The following BANK1 variants were observed in gnomAD, a reference collection of about 807,000 sequenced individuals.
BANK1 encodes the protein B-cell scaffold protein with ankyrin repeats.
Under a neutral mutation model 94.5 loss-of-function variants are expected in BANK1, and 95 were observed. The ratio of observed to expected loss-of-function variants is 1.00; its 90% CI spans 0.85 to 1.19. The LOEUF (loss-of-function observed/expected upper bound fraction) is 1.19, where lower values mean the gene tolerates loss of function less well. Among genes scored for constraint, BANK1 ranks in the 50% most tolerant of loss-of-function variants. The probability of loss-of-function intolerance (pLI) is 0.00; values close to 1 mark genes in which losing one functional copy is unlikely to be tolerated. For synonymous variants in BANK1, 334 were observed against 308.4 expected (o/e 1.08, Z -0.87); for missense variants, 987 against 932.2 (o/e 1.06, Z -0.77).
Position 101,805,226 on chromosome 4 carries a change from AATT to A in BANK1, c.70+14280_70+14282del, listed in dbSNP as rs143361021. 6.5e-4 allele frequency among the ~76,000 whole-genome samples: 99 copies of A among 152,328 alleles called. 1 individual carries two copies. The East Asian group carries it at 0.018, about 27-fold the overall frequency. On this transcript the variant is annotated intron_variant, in intron 1 of 16. Coordinates refer to ENST00000322953, the MANE Select transcript of BANK1 (RefSeq NM_017935.5). ...TGGGCTGTTAAGAGTCATCTAAGCA[AATT>A]ATTGTTGAAATATTTTTCTATCTAA... is the stretch of plus-strand genomic sequence containing the variant.
At chr4:101,886,699 C>T (rs1163031069) in intron 5 of BANK1, among the ~76,000 whole-genome samples, 1 of 148,124 alleles carries the variant, frequency 6.8e-6, no homozygotes, top group East Asian at 2.0e-4. Flanking sequence ...ATTAATGAGT[C>T]TGTTCAAGTT....
intron 7 of BANK1, among the ~76,000 whole-genome samples, chr4:101,938,031 T>C (rs977024248): frequency 6.6e-6 from 1 of 151,590 alleles, no homozygotes. Context: ...TAAGTGATAG[T>C]TGAACAATGA....
intron 7 of BANK1, among the ~76,000 whole-genome samples, chr4:101,962,048 C>T (rs750721232): frequency 6.6e-6 from 1 of 152,128 alleles, no homozygotes; most frequent in Non-Finnish European, 1.5e-5. Flanking sequence ...GGTTACAAAG[C>T]AAGTTGGAGA....
intron 7 of BANK1, among the ~76,000 whole-genome samples, chr4:102,019,810 T>G (rs1726830042): frequency 1.3e-5 from 2 of 152,316 alleles, no homozygotes; most frequent in South Asian, 4.1e-4. Flanking sequence ...GAGCATTTTA[T>G]TCTGGAGAAA....
chr4:101,973,412 G>A (rs1191896186), intron 7 of BANK1, among the ~76,000 whole-genome samples: 1 of 151,966 alleles, frequency 6.6e-6, no homozygotes, highest in East Asian at 1.9e-4. Flanking sequence ...TATTAAGTAA[G>A]TTGCTCAAAG....
intron 11 of BANK1, among the ~76,000 whole-genome samples, chr4:102,054,946 GCTTTTTTTCAATTTAA>G (rs1728179008): frequency 6.6e-6 from 1 of 151,922 alleles, no homozygotes; most frequent in Admixed American, 6.6e-5. Flanking sequence ...TCTTGCACCT[GCTTTTTTTCAATTTAA>G]ATAGTTGATG....
intron 8 of BANK1, among the ~76,000 whole-genome samples, chr4:102,024,281 C>G (rs528493590): frequency 1.3e-5 from 2 of 152,160 alleles, no homozygotes; most frequent in South Asian, 2.1e-4. Flanking sequence ...ACAAGGAAAA[C>G]AATTCACATA....
At chr4:101,921,178 GATA>G in intron 7 of BANK1, among the ~76,000 whole-genome samples, 1 of 151,940 alleles carries the variant, frequency 6.6e-6, no homozygotes, top group South Asian at 2.1e-4. Flanking sequence ...GCTATTACTG[GATA>G]ATAATATCAT....
chr4:101,855,411 C>G (rs1471736431), intron 3 of BANK1, among the ~76,000 whole-genome samples: 1 of 152,124 alleles, frequency 6.6e-6, no homozygotes, highest in African/African-American at 2.4e-5. Flanking sequence ...TATTGTATTT[C>G]ACAAGAATGC....
At chr4:101,889,937 G>A (rs1402780756) in intron 5 of BANK1, among the ~76,000 whole-genome samples, 1 of 152,084 alleles carries the variant, frequency 6.6e-6, no homozygotes, top group Non-Finnish European at 1.5e-5. Flanking sequence ...TTACTTAGTA[G>A]CATTGTTGTT....
chr4:101,988,764 A>G (rs1469803964), intron 7 of BANK1, among the ~76,000 whole-genome samples: 1 of 152,198 alleles, frequency 6.6e-6, no homozygotes, highest in Non-Finnish European at 1.5e-5. Context: ...CAAGCCCTTG[A>G]TTATTCAAAC....
intron 7 of BANK1, among the ~76,000 whole-genome samples, chr4:101,988,449 AGTT>A (rs775101003): frequency 2.0e-5 from 3 of 152,058 alleles, no homozygotes; most frequent in Non-Finnish European, 4.4e-5. Context: ...TGTTGCTTTG[AGTT>A]GTTGTGAATG....
At chr4:101,879,973 A>C (rs2148885044) in intron 5 of BANK1, among the ~76,000 whole-genome samples, 1 of 152,248 alleles carries the variant, frequency 6.6e-6, no homozygotes, top group South Asian at 2.1e-4. Flanking sequence ...ACAAACCTAC[A>C]GCTACTATCA....
At position 101,903,486 on chromosome 4, in the gene BANK1, C is replaced by T. The variant is rs1339883898; in HGVS notation, c.1009+8076C>T. 1.2e-4 allele frequency among the ~76,000 whole-genome samples: 18 copies of T among 152,256 alleles called. No homozygotes were observed. The South Asian group carries it at 1.2e-3, about 11-fold the overall frequency. On this transcript the variant is annotated intron_variant, in intron 6 of 16. Transcript: ENST00000322953. Reference sequence around the variant, plus strand: ...TGTGGAAGAAAAAGCCAGTCTACTACGTCATGTTCTTGGACAATAACACCA... The same window carrying T: ...TGTGGAAGAAAAAGCCAGTCTACTATGTCATGTTCTTGGACAATAACACCA...
chr4:101,986,865 ATGTGTG>A (rs1553938215), intron 7 of BANK1, among the ~76,000 whole-genome samples: 1 of 10,966 alleles, frequency 9.1e-5, no homozygotes, highest in African/African-American at 2.4e-4. Flanking sequence ...GTATATATAT[ATGTGTG>A]TATGTGTGTG....
chr4:101,790,897 C>T lies in BANK1; in HGVS notation c.17C>T (p.Pro6Leu). 6.5e-7 allele frequency: 1 copy of T among 1,540,100 alleles called. No individual in the cohort carries two copies. The highest frequency in any genetic ancestry group is 8.7e-7 in the Non-Finnish European group (1 of 1,147,474). Residue 6 changes from proline to leucine, a missense_variant, in exon 1 of 17, where the codon CCA becomes CTA. Pro to Leu is a moderately conservative substitution (Grantham distance 98, BLOSUM62 -3). Transcript: ENST00000322953. ...ACCGCCACAATGCTGCCAGCAGCGC[C>T]AGGCAAGGGGCTTGGGAGCCCGGAC... MLPAA[P>L]GKGLGSPDPA...
chr4:102,034,371 C>T (rs751127354), intron 10 of BANK1, among the ~76,000 whole-genome samples: 2 of 152,128 alleles, frequency 1.3e-5, no homozygotes, highest in African/African-American at 2.4e-5. Flanking sequence ...AGCAAATTCA[C>T]GTATCTGAGA....
rs546622810 is a variant in BANK1, at chr4:102,003,003, C to T, written c.1207-18511C>T. 1.6e-4 allele frequency among the ~76,000 whole-genome samples: 24 copies of T among 152,240 alleles called. No individual in the cohort carries two copies. In the South Asian group the frequency reaches 2.1e-3, roughly 13 times the overall value. ...CTCAAACTCCTGGCCTCAAGTGATC[C>T]GCCCACCTCGGCCTCCCAAAGTACT... On this transcript the variant is annotated intron_variant, in intron 7 of 16. Coordinates refer to ENST00000322953, the MANE Select transcript of BANK1 (RefSeq NM_017935.5).
At chr4:101,859,711 G>C (rs549299030) in intron 3 of BANK1, among the ~76,000 whole-genome samples, 4 of 152,290 alleles carry the variant, frequency 2.6e-5, no homozygotes, top group Admixed American at 1.3e-4. Flanking sequence ...GAACAGAGCT[G>C]AGCATGCTCA....
Sources: allele counts gnomAD v4.1 joint callset (sites outside exome capture counted in the v4.1 genomes callset), GRCh38; gene constraint gnomAD v4.1.1; transcripts MANE v1.5; gene names NCBI Gene and HGNC (gene_info 2026-07-23, HGNC 2026-07-21).